The following KIF18A variants were observed in gnomAD, a reference collection of about 807,000 sequenced individuals.
KIF18A encodes kinesin-like protein KIF18A.
A neutral mutation model predicts 103.3 loss-of-function variants in KIF18A; 67 were observed. The observed-to-expected ratio is 0.65, with a 90% CI of 0.53 to 0.79. KIF18A has a LOEUF of 0.79. Ranked by LOEUF, KIF18A falls within the 30% of genes least tolerant of loss-of-function variation. The pLI is 0.00. For synonymous variants in KIF18A, 367 were observed against 355.5 expected, an observed-to-expected ratio of 1.03 and a Z score of -0.36; for missense variants, 1,032 against 1,062.5, an observed-to-expected ratio of 0.97 and a Z score of 0.40.
intron 10 of KIF18A, among the ~76,000 whole-genome samples, chr11:28,074,059 CATG>C (rs1851058491): frequency 6.6e-6 from 1 of 152,198 alleles, no homozygotes; most frequent in Admixed American, 6.5e-5. Flanking sequence ...ATAAACCAGG[CATG>C]GTGGTGGACA....
At chr11:28,026,126 TA>T (rs1319262248) in intron 15 of KIF18A, among the ~76,000 whole-genome samples, 5 of 151,840 alleles carry the variant, frequency 3.3e-5, no homozygotes, top group Non-Finnish European at 5.9e-5. Context: ...ATCAATTTAG[TA>T]AAATAGTGTG....
Position 28,051,588 on chromosome 11 carries a change from A to C in KIF18A, c.1948+7338T>G, listed in dbSNP as rs527548076. Among the ~76,000 whole-genome samples the C allele has an allele frequency of 4.6e-5, 7 of 152,138 alleles. No individual in the cohort carries two copies. The East Asian group carries it at 1.2e-3, about 25-fold the overall frequency. On this transcript the variant is annotated intron_variant, in intron 13 of 16. Transcript: ENST00000263181. ...TTGAGGAAAGATCCCGAAGGCAGTA[A>C]GAGAGAGAAAAAAGCTATTTTACTA...
At chr11:28,076,935 G>GAAAA (rs11433506) in intron 10 of KIF18A, 72 bp downstream of exon 10, 203 of 295,072 alleles carry the variant, frequency 6.9e-4, no homozygotes, top group South Asian at 1.8e-3. Flanking sequence ...GACTCCTTCT[G>GAAAA]AAAAAAAAAA....
chr11:28,033,971 C>T (rs1188012138), intron 15 of KIF18A, among the ~76,000 whole-genome samples: 5 of 151,564 alleles, frequency 3.3e-5, no homozygotes, highest in East Asian at 3.9e-4. Context: ...CTAATATATA[C>T]ACCTACTACG....
chr11:28,040,266 G>T, intron 13 of KIF18A, among the ~76,000 whole-genome samples: 1 of 151,598 alleles, frequency 6.6e-6, no homozygotes, highest in East Asian at 1.9e-4. Context: ...AGTTCAATAG[G>T]CTATAAGAAC....
chr11:28,032,146 A>G (rs1321438627), intron 15 of KIF18A, among the ~76,000 whole-genome samples: 1 of 151,818 alleles, frequency 6.6e-6, no homozygotes, highest in African/African-American at 2.4e-5. Context: ...TAAAAATAAA[A>G]TAAGTAGGAG....
In KIF18A at chr11:28,062,397, T is replaced by C. The variant is rs374769265; in HGVS notation, c.1710A>G (p.Glu570=). The change falls in exon 12 of 17, where the codon GAA becomes GAG. Residue 570 remains glutamate, a splice_region_variant and synonymous_variant. Coordinates refer to ENST00000263181, the MANE Select transcript of KIF18A (RefSeq NM_031217.4). ...AATAGGTAAATGTATGTACTCACGC[T>C]TCAGTCTGCCTGTGTTGCTGTTCCT... ...CLQEQQHRQT[E]AVLNALLPTL... 1 of 1,605,986 alleles carries C rather than the reference T, an allele frequency of 6.2e-7. No homozygotes were observed. Among genetic ancestry groups the C allele is most frequent in the Non-Finnish European group, 8.5e-7 (1 of 1,176,010 alleles).
chr11:28,069,373 G>C lies in KIF18A; in HGVS notation c.1476C>G (p.Ser492=), dbSNP rs139064079. The C allele has an allele frequency of 6.2e-7, 1 of 1,613,648 alleles. No homozygotes were observed. Among genetic ancestry groups the C allele is most frequent in the Non-Finnish European group, 8.5e-7 (1 of 1,179,782 alleles). Residue 492 remains serine (S), a synonymous_variant, in exon 11 of 17, where the codon TCC becomes TCG. Coordinates refer to ENST00000263181, the MANE Select transcript of KIF18A (RefSeq NM_031217.4). ...CCTCCTCCCTCCTTTTCTCCAGGTA[G>C]GAGCGACGAGTTTTCAACATTGCAA... The part of the protein sequence containing the change: ...HRLAMLKTRR[S]YLEKRREEEL...
At chr11:28,053,667 C>A (rs914213073) in intron 13 of KIF18A, among the ~76,000 whole-genome samples, 2 of 151,290 alleles carry the variant, frequency 1.3e-5, no homozygotes, top group Non-Finnish European at 2.9e-5. Flanking sequence ...TCCCCCACCC[C>A]ATAACAGGCC....
At chr11:28,029,619 C>G (rs1044575415) in intron 15 of KIF18A, among the ~76,000 whole-genome samples, 2 of 152,122 alleles carry the variant, frequency 1.3e-5, no homozygotes, top group Non-Finnish European at 1.5e-5. Context: ...AAAACTGGCA[C>G]AAGACAGGGA....
At chr11:28,069,505 T>C (rs1850982647) in intron 10 of KIF18A, 82 bp from the exon 11 acceptor site, 3 of 1,284,212 alleles carry the variant, frequency 2.3e-6, no homozygotes, top group South Asian at 1.4e-5. Context: ...TATATTTTCT[T>C]ATGTGTACTA....
At position 28,094,099 on chromosome 11, in the gene KIF18A, C is replaced by T. The variant is rs184468885; in HGVS notation, c.483+544G>A. Among the ~76,000 whole-genome samples, 3 of 152,110 alleles carry T rather than the reference C, an allele frequency of 2.0e-5. No homozygotes were observed. In the East Asian group the frequency reaches 5.8e-4, roughly 29 times the overall value. ...AATCTGAATCTAATCATGATAAATC[C>T]AAACTAAGGATTTTTATGGCAGTGT... On this transcript the variant is annotated intron_variant, in intron 3 of 16. Coordinates refer to ENST00000263181, the MANE Select transcript of KIF18A (RefSeq NM_031217.4).
chr11:28,052,775 T>C (rs2133516767), intron 13 of KIF18A, among the ~76,000 whole-genome samples: 1 of 152,198 alleles, frequency 6.6e-6, no homozygotes, highest in South Asian at 2.1e-4. Flanking sequence ...ATCAGACAAG[T>C]GCCTGAAATA....
At chr11:28,061,924 T>C (rs1054427226) in intron 12 of KIF18A, among the ~76,000 whole-genome samples, 1 of 152,102 alleles carries the variant, frequency 6.6e-6, no homozygotes, top group African/African-American at 2.4e-5. Context: ...AGAGAGAACA[T>C]AAAAGGTCTG....
At chr11:28,106,330 C>T (rs1377716411) in intron 1 of KIF18A, among the ~76,000 whole-genome samples, 2 of 152,072 alleles carry the variant, frequency 1.3e-5, no homozygotes. Flanking sequence ...AAACTCAAAC[C>T]TGAATTAGAT....
At chr11:28,056,710 G>C (rs1188885066) in intron 13 of KIF18A, 1 of 165,110 alleles carries the variant, frequency 6.1e-6, no homozygotes, top group African/African-American at 2.4e-5. Context: ...CCAGAAGACA[G>C]ATTGTATTCA....
chr11:28,098,025 A>G (rs1377304446), intron 1 of KIF18A, 32 bp from the exon 2 acceptor site: 1 of 1,144,702 alleles, frequency 8.7e-7, no homozygotes, highest in African/African-American at 1.6e-5. Context: ...AAGTTTTAAT[A>G]TCAGTTTTTA....
At chr11:28,047,960 G>A (rs1378958338) in intron 13 of KIF18A, among the ~76,000 whole-genome samples, 2 of 152,124 alleles carry the variant, frequency 1.3e-5, no homozygotes, top group Non-Finnish European at 2.9e-5. Flanking sequence ...TTTAGAGCTC[G>A]TGTATGTGTA....
chr11:28,085,834 C>T (rs1364264395), intron 6 of KIF18A, among the ~76,000 whole-genome samples: 1 of 152,112 alleles, frequency 6.6e-6, no homozygotes, highest in African/African-American at 2.4e-5. Flanking sequence ...TGCCAAGTCC[C>T]GTAGGGCTTG....
Sources: allele counts gnomAD v4.1 joint callset (sites outside exome capture counted in the v4.1 genomes callset), GRCh38; gene constraint gnomAD v4.1.1; transcripts MANE v1.5; gene names NCBI Gene and HGNC (gene_info 2026-07-23, HGNC 2026-07-21).